GLB1L3: variants seen among roughly 807,000 people sequenced by gnomAD.
The protein encoded by GLB1L3 is galactosidase beta 1 like 3, also known as beta-galactosidase-1-like protein 3.
GLB1L3 carries 89 observed loss-of-function variants against 89.5 expected under a neutral mutation model. That is an observed-to-expected ratio of 0.99 (90% CI 0.84 to 1.19). The LOEUF is 1.19. Ranked by LOEUF, GLB1L3 falls within the 50% of genes most tolerant of loss-of-function variation. The probability of loss-of-function intolerance (pLI) is 0.00; values close to 1 mark genes in which losing one functional copy is unlikely to be tolerated. For missense variants in GLB1L3, 812 were observed against 813.3 expected (o/e 1.00, Z 0.02); for synonymous variants, 314 against 312.3 (o/e 1.01, Z -0.06).
intron 10 of GLB1L3, among the ~76,000 whole-genome samples, chr11:134,307,946 ACTTG>A (rs1942275605): frequency 6.6e-6 from 1 of 152,198 alleles, no homozygotes; most frequent in African/African-American, 2.4e-5. Flanking sequence ...AAACAAGGCC[ACTTG>A]TATCTGAAGT....
In GLB1L3 at chr11:134,307,133, C is replaced by A; in HGVS notation, c.886C>A (p.Pro296Thr). The change falls in exon 10 of 20, where the codon CCC becomes ACC. Residue 296 changes from proline to threonine, a missense_variant. Physicochemically the swap from Pro to Thr is conservative, Grantham distance 38. Transcript: ENST00000431683. ...TTTGGTTTGTTTTTAGAGAGATAAGCCCCTTCTGATTATGGAATACTGGGT... is the reference window on the plus strand; with the variant it reads ...TTTGGTTTGTTTTTAGAGAGATAAGACCCTTCTGATTATGGAATACTGGGT... ...NQLHKVQRDKPLLIMEYWVGW... is the reference protein window; with the variant it reads ...NQLHKVQRDKTLLIMEYWVGW... The A allele has an allele frequency of 6.2e-7, 1 of 1,613,008 alleles. No individual in the cohort carries two copies. Among genetic ancestry groups the A allele is most frequent in the South Asian group, 1.1e-5 (1 of 90,942 alleles).
rs1272756052 is a variant in GLB1L3, at chr11:134,318,921, T to C, written c.1941T>C (p.Ser647=). 1 of 1,612,254 alleles carries C rather than the reference T, an allele frequency of 6.2e-7. No individual in the cohort carries two copies. The highest frequency in any genetic ancestry group is 1.3e-5 in the African/African-American group (1 of 74,750). ...EKMMSGSDIK[S]TDKPTL ...TGATGAGTGGCTCAGATATCAAATC[T>C]ACAGACAAGCCCACGCTGTAAAACT... Residue 647 remains serine, a synonymous_variant, in exon 20 of 20, where the codon TCT becomes TCC. Transcript: ENST00000431683.
chr11:134,287,292 T>TG (rs1219762973), intron 6 of GLB1L3: 1 of 152,212 alleles, frequency 6.6e-6, no homozygotes, highest in Non-Finnish European at 1.5e-5. Context: ...CTGTGGGAAA[T>TG]GCTAGGAAAC....
chr11:134,321,896 T>C (rs553475987), downstream of GLB1L3, among the ~76,000 whole-genome samples: 1 of 148,842 alleles, frequency 6.7e-6, no homozygotes, highest in South Asian at 2.2e-4. Flanking sequence ...TGTGCACATG[T>C]ACCCTAGAAC....
At chr11:134,284,227 T>C (rs1267150533) in intron 6 of GLB1L3, among the ~76,000 whole-genome samples, 4 of 152,220 alleles carry the variant, frequency 2.6e-5, no homozygotes, top group Non-Finnish European at 4.4e-5. Context: ...CCCAAAGCCA[T>C]TTAGTTGCCC....
In GLB1L3 at chr11:134,292,166, T is replaced by A. The variant is rs757732787; in HGVS notation, c.764T>A (p.Leu255Ter). The A allele has an allele frequency of 4.3e-6, 7 of 1,613,674 alleles. No homozygotes were observed. The African/African-American group carries it at 9.3e-5, about 22-fold the overall frequency. Residue 255 changes from leucine (L) to a stop codon, truncating the protein, a stop_gained, in exon 8 of 20, where the codon TTG becomes TAG. Coordinates refer to ENST00000431683, the MANE Select transcript of GLB1L3 (RefSeq NM_001080407.3). LOFTEE classifies it high-confidence loss of function. ...LLRRGIVELL[L>*]TSDGEKHVLS... ...AGAAGAGGGATTGTGGAGCTTCTCT[T>A]GACCTCTGATGGTGAGAAACATGTG...
intron 9 of GLB1L3, among the ~76,000 whole-genome samples, chr11:134,303,429 G>A (rs1407313987): frequency 6.6e-6 from 1 of 151,898 alleles, no homozygotes; most frequent in Non-Finnish European, 1.5e-5. Flanking sequence ...TACAATCTTG[G>A]CTTCTTTTTA....
chr11:134,315,319 T>A (rs1691832394), intron 18 of GLB1L3, among the ~76,000 whole-genome samples: 1 of 152,210 alleles, frequency 6.6e-6, no homozygotes. Flanking sequence ...ATAACTGAGA[T>A]CTCTTTGTCA....
At chr11:134,323,686 A>G (rs1943192538), downstream of GLB1L3, among the ~76,000 whole-genome samples, 2 of 152,302 alleles carry the variant, frequency 1.3e-5, no homozygotes, top group South Asian at 2.1e-4. Context: ...CTCTCTGGCC[A>G]TATCAATGGA....
At chr11:134,296,862 T>TAATAATAAA (rs1555076987) in intron 9 of GLB1L3, among the ~76,000 whole-genome samples, 30 of 131,772 alleles carry the variant, frequency 2.3e-4, no homozygotes, top group African/African-American at 7.0e-4. Context: ...ATAATAATAA[T>TAATAATAAA]AAAAACAAAC....
chr11:134,281,277 T>C, intron 3 of GLB1L3, 100 bp from the exon 4 acceptor site: 1 of 1,321,612 alleles, frequency 7.6e-7, no homozygotes, highest in Admixed American at 1.7e-5. Flanking sequence ...TATTTCAAAA[T>C]AGAGCTATGC....
At chr11:134,314,259 C>T (rs1249925184) in intron 17 of GLB1L3, 71 bp from the exon 18 acceptor site, 2 of 1,076,076 alleles carry the variant, frequency 1.9e-6, no homozygotes, top group South Asian at 1.4e-5. Context: ...GCCCACGCCA[C>T]CTGGGGTGGG....
chr11:134,312,016 C>T (rs1942756697), intron 13 of GLB1L3: 1 of 207,130 alleles, frequency 4.8e-6, no homozygotes, highest in African/African-American at 2.3e-5. Context: ...AGGCTGCTCT[C>T]AAACTCCTGG....
chr11:134,308,474 A>C lies in GLB1L3; in HGVS notation c.962-1152A>C, dbSNP rs1440436065. On this transcript the variant is annotated intron_variant, in intron 10 of 19. Transcript: ENST00000431683. ...CCACCACCACCACCACCACCACCAA[A>C]TACCACCACCACCATCACCACCAAA... Among the ~76,000 whole-genome samples the C allele has an allele frequency of 8.5e-3, 38 of 4,478 alleles. 3 individuals are homozygous for C. The highest frequency in any genetic ancestry group is 0.023 in the African/African-American group (25 of 1,064). The allele number at this position is 4,478 out of a possible 152,430, so 2.9% of individuals were successfully genotyped here. A position where few individuals can be genotyped will look rare whatever the true frequency, so the allele number is the denominator to read the frequency against.
intron 3 of GLB1L3, among the ~76,000 whole-genome samples, chr11:134,279,097 A>T (rs1405372312): frequency 6.6e-6 from 1 of 152,202 alleles, no homozygotes; most frequent in Non-Finnish European, 1.5e-5. Context: ...TTTTGAATCA[A>T]TCTTATAATA....
At chr11:134,324,331 A>G (rs558692600), downstream of GLB1L3, among the ~76,000 whole-genome samples, 11 of 152,214 alleles carry the variant, frequency 7.2e-5, no homozygotes, top group Non-Finnish European at 1.6e-4. Context: ...AACATATTTT[A>G]GTAGCATGTT....
chr11:134,300,325 G>A (rs1941871575), intron 9 of GLB1L3, among the ~76,000 whole-genome samples: 1 of 109,540 alleles, frequency 9.1e-6, no homozygotes, highest in Admixed American at 1.4e-4. Flanking sequence ...CCATCCTATT[G>A]ACCACATTTT....
At chr11:134,285,966 T>TTG (rs1383551980) in intron 6 of GLB1L3, among the ~76,000 whole-genome samples, 1 of 149,546 alleles carries the variant, frequency 6.7e-6, no homozygotes, top group African/African-American at 2.5e-5. Flanking sequence ...TGGAGTACAG[T>TTG]TGTGTGACCT....
intron 6 of GLB1L3, chr11:134,286,983 AC>A (rs1555073499): frequency 6.7e-6 from 1 of 149,932 alleles, no homozygotes; most frequent in Non-Finnish European, 1.5e-5. Flanking sequence ...ACACGGTGAA[AC>A]CCCGTCTCTA....
Sources: gnomAD v4.1 joint callset for allele counts (sites outside exome capture counted in the v4.1 genomes callset) on GRCh38, gnomAD v4.1.1 for gene constraint, MANE v1.5 for transcripts, NCBI Gene and HGNC (gene_info 2026-07-23, HGNC 2026-07-21) for gene names.